The following PHACTR1 variants were observed in gnomAD, a reference collection of about 807,000 sequenced individuals.
The protein encoded by PHACTR1 is phosphatase and actin regulator 1.
In PHACTR1, 16 loss-of-function variants were observed where a neutral mutation model predicts 69.2. That is an observed-to-expected ratio of 0.23 (90% CI 0.16 to 0.35). PHACTR1 has a LOEUF of 0.35. PHACTR1 is among the 10% of genes least tolerant of loss of function. The pLI is 1.00. For synonymous variants in PHACTR1, 312 were observed against 284.5 expected, an observed-to-expected ratio of 1.10 and a Z score of -0.97; for missense variants, 510 against 734.7, an observed-to-expected ratio of 0.69 and a Z score of 3.54.
At chr6:12,989,858 A>G (rs561691293) in intron 4 of PHACTR1, among the ~76,000 whole-genome samples, 2 of 152,248 alleles carry the variant, frequency 1.3e-5, no homozygotes, top group South Asian at 4.1e-4. Context: ...TTTGTGCTCA[A>G]ACAGCATATC....
chr6:13,139,177 A>G (rs995630911), intron 5 of PHACTR1, among the ~76,000 whole-genome samples: 9 of 151,202 alleles, frequency 6.0e-5, no homozygotes, highest in Admixed American at 5.9e-4. Flanking sequence ...AAAGACCCCA[A>G]TTTTCAAAGT....
intron 5 of PHACTR1, among the ~76,000 whole-genome samples, chr6:13,156,326 G>A (rs929177625): frequency 6.6e-6 from 1 of 152,212 alleles, no homozygotes; most frequent in Admixed American, 6.5e-5. Context: ...TCTCTTTCCA[G>A]CATGTCACTT....
intron 5 of PHACTR1, among the ~76,000 whole-genome samples, chr6:13,080,849 G>A (rs1218311723): frequency 3.9e-5 from 6 of 151,986 alleles, no homozygotes; most frequent in African/African-American, 9.7e-5. Context: ...GTCATCCTAC[G>A]AAAGAACTTT....
chr6:12,737,030 C>A (rs77043299), intron 3 of PHACTR1, among the ~76,000 whole-genome samples: 5,260 of 141,974 alleles, frequency 0.037, 299 homozygotes, highest in African/African-American at 0.12. Flanking sequence ...TATACCTTAC[C>A]CATATATACA....
In PHACTR1 at chr6:12,854,634, A is replaced by G. The variant is rs139962156; in HGVS notation, c.250+104844A>G. ...GAATGGGAGAAATTATTTGCAAACT[A>G]TGCATCCAACAAGGGTCTAATATCC... On this transcript the variant is annotated intron_variant, in intron 4 of 14. Transcript: ENST00000332995. 4.2e-3 allele frequency among the ~76,000 whole-genome samples: 645 copies of G among 152,322 alleles called. 5 individuals carry two copies. Among genetic ancestry groups the G allele is most frequent in the African/African-American group, 0.015 (613 of 41,570 alleles).
intron 4 of PHACTR1, among the ~76,000 whole-genome samples, chr6:12,907,563 A>AT (rs749475892): frequency 1.3e-5 from 2 of 152,176 alleles, no homozygotes; most frequent in African/African-American, 2.4e-5. Flanking sequence ...AATTTCATTA[A>AT]TTTTTCCCCA....
chr6:12,954,664 G>T (rs1470846963), intron 4 of PHACTR1, among the ~76,000 whole-genome samples: 1 of 152,168 alleles, frequency 6.6e-6, no homozygotes, highest in South Asian at 2.1e-4. Context: ...TGAGATTGAT[G>T]TTTTAATGTT....
At chr6:13,234,276 C>T (rs1937765) in intron 10 of PHACTR1, among the ~76,000 whole-genome samples, 10,500 of 152,234 alleles carry the variant, frequency 0.069, 673 homozygotes, top group Admixed American at 0.22. Context: ...GCCCTGAGGG[C>T]ATTAGACTAG....
chr6:12,819,497 C>T (rs936138398), intron 4 of PHACTR1, among the ~76,000 whole-genome samples: 2 of 151,978 alleles, frequency 1.3e-5, no homozygotes, highest in Admixed American at 6.6e-5. Flanking sequence ...TAGGAAAAGC[C>T]GGGGGTTCTT....
At chr6:12,792,198 C>T (rs1292498969) in intron 4 of PHACTR1, among the ~76,000 whole-genome samples, 1 of 151,738 alleles carries the variant, frequency 6.6e-6, no homozygotes, top group Non-Finnish European at 1.5e-5. Context: ...GGCGCGGTGG[C>T]TCATGCCTGT....
chr6:12,952,463 C>T (rs1274279397), intron 4 of PHACTR1, among the ~76,000 whole-genome samples: 2 of 152,222 alleles, frequency 1.3e-5, no homozygotes, highest in Non-Finnish European at 2.9e-5. Context: ...ATCATGTAGT[C>T]AGACTCAAAC....
At chr6:13,094,470 T>A (rs944451252) in intron 5 of PHACTR1, among the ~76,000 whole-genome samples, 1 of 151,432 alleles carries the variant, frequency 6.6e-6, no homozygotes, top group African/African-American at 2.5e-5. Flanking sequence ...AATTTTTGTA[T>A]TTTTAGTAGA....
chr6:13,023,704 A>T (rs1801303177), intron 4 of PHACTR1, among the ~76,000 whole-genome samples: 1 of 152,216 alleles, frequency 6.6e-6, no homozygotes, highest in Non-Finnish European at 1.5e-5. Context: ...CTCCCTGTCT[A>T]TGAGCAGAAA....
At chr6:13,250,925 G>A (rs1271313132) in intron 10 of PHACTR1, among the ~76,000 whole-genome samples, 5 of 152,234 alleles carry the variant, frequency 3.3e-5, no homozygotes, top group Non-Finnish European at 7.3e-5. Context: ...CTTGGGATGT[G>A]TGTAACACTG....
In PHACTR1 at chr6:13,188,628, C is replaced by T. The variant is rs533535889; in HGVS notation, c.664+5942C>T. Among the ~76,000 whole-genome samples, 15 of 152,336 alleles carry T rather than the reference C, an allele frequency of 9.8e-5. No homozygotes were observed. The South Asian group carries it at 1.5e-3, about 15-fold the overall frequency. Reference sequence around the variant, plus strand: ...GAAAGTCATGCAGAAATACCTCTACCGTGGCGTTTGCTTCCACTTTATCAG... The same window carrying T: ...GAAAGTCATGCAGAAATACCTCTACTGTGGCGTTTGCTTCCACTTTATCAG... On this transcript the variant is annotated intron_variant, in intron 7 of 14. Transcript: ENST00000332995.
chr6:12,954,777 T>G (rs1791681168), intron 4 of PHACTR1, among the ~76,000 whole-genome samples: 1 of 152,254 alleles, frequency 6.6e-6, no homozygotes, highest in Non-Finnish European at 1.5e-5. Flanking sequence ...ACCACTTGAA[T>G]TATGCCATAG....
chr6:12,933,886 TGGCTGAGAGGACATTTA>T, intron 4 of PHACTR1: 1 of 1,612,454 alleles, frequency 6.2e-7, no homozygotes, highest in Non-Finnish European at 8.5e-7. Flanking sequence ...GGGAAGAGTT[TGGCTGAGAGGACATTTA>T]CTCTTTGGTC....
chr6:13,003,240 AT>A (rs1798302826), intron 4 of PHACTR1, among the ~76,000 whole-genome samples: 1 of 152,172 alleles, frequency 6.6e-6, no homozygotes, highest in Non-Finnish European at 1.5e-5. Flanking sequence ...ATATATGTTG[AT>A]TTATTATCTA....
chr6:12,819,596 A>G (rs1407296501), intron 4 of PHACTR1, among the ~76,000 whole-genome samples: 1 of 152,218 alleles, frequency 6.6e-6, no homozygotes, highest in African/African-American at 2.4e-5. Flanking sequence ...TGGAAATATG[A>G]ATTCTTGTCT....
Sources: gnomAD v4.1 joint callset for allele counts (sites outside exome capture counted in the v4.1 genomes callset) on GRCh38, gnomAD v4.1.1 for gene constraint, MANE v1.5 for transcripts, NCBI Gene and HGNC (gene_info 2026-07-23, HGNC 2026-07-21) for gene names.